The following DOCK1 variants were observed in gnomAD, a reference collection of about 807,000 sequenced individuals.
DOCK1 encodes dedicator of cytokinesis protein 1.
In DOCK1, 138 loss-of-function variants were observed where a neutral mutation model predicts 262.7. That is an observed-to-expected ratio of 0.53 (90% CI 0.46 to 0.61). The LOEUF is 0.61. DOCK1 is among the 20% of genes least tolerant of loss of function. The probability of loss-of-function intolerance (pLI) is 0.00; values close to 1 mark genes in which losing one functional copy is unlikely to be tolerated. For missense variants in DOCK1, 1,908 were observed against 2,370.7 expected (o/e 0.80, Z 4.05); for synonymous variants, 866 against 867.4 (o/e 1.00, Z 0.03).
At chr10:126,929,216 G>C (rs905490850) in intron 1 of DOCK1, among the ~76,000 whole-genome samples, 177 of 152,268 alleles carry the variant, frequency 1.2e-3, no homozygotes, top group African/African-American at 3.9e-3. Context: ...ACTGATCTGG[G>C]GATGAACCAT....
At chr10:126,949,760 C>T (rs1330226463) in intron 1 of DOCK1, among the ~76,000 whole-genome samples, 2 of 152,056 alleles carry the variant, frequency 1.3e-5, no homozygotes, top group Admixed American at 6.6e-5. Context: ...TTGTGACAGT[C>T]CTTGTATGAT....
At chr10:127,381,199 A>G in intron 36 of DOCK1, 79 bp from the exon 37 acceptor site, 1 of 1,251,898 alleles carries the variant, frequency 8.0e-7, no homozygotes, top group East Asian at 2.5e-5. Flanking sequence ...ACTGTTGAAC[A>G]TAGAATTTAG....
chr10:127,079,266 C>T (rs1005201211), intron 23 of DOCK1, among the ~76,000 whole-genome samples: 3 of 152,216 alleles, frequency 2.0e-5, no homozygotes, highest in Admixed American at 6.5e-5. Flanking sequence ...TTTGCCTCAG[C>T]AACTCTGACT....
chr10:127,228,862 T>TGGAA (rs1290869204), intron 27 of DOCK1, among the ~76,000 whole-genome samples: 1 of 152,222 alleles, frequency 6.6e-6, no homozygotes, highest in African/African-American at 2.4e-5. Context: ...GCTTACATTG[T>TGGAA]GGAACAGCTA....
chr10:127,413,917 A>ATTT (rs368961860), intron 43 of DOCK1, among the ~76,000 whole-genome samples: 1 of 149,036 alleles, frequency 6.7e-6, no homozygotes. Flanking sequence ...TTTTCTGAAA[A>ATTT]TTTTTTTTTT....
At chr10:127,125,708 C>T (rs774176895) in intron 26 of DOCK1, 107 bp downstream of exon 26, 5 of 1,442,214 alleles carry the variant, frequency 3.5e-6, no homozygotes, top group African/African-American at 1.4e-5. Flanking sequence ...ATTTTAAGGT[C>T]TAGCCTCTCT....
chr10:126,948,797 C>G (rs1207203099), intron 1 of DOCK1, among the ~76,000 whole-genome samples: 1 of 152,052 alleles, frequency 6.6e-6, no homozygotes, highest in Non-Finnish European at 1.5e-5. Flanking sequence ...ATCCTTTGGG[C>G]TGGATTTTCC....
At chr10:127,156,640 C>T (rs1288977269) in intron 27 of DOCK1, among the ~76,000 whole-genome samples, 1 of 138,322 alleles carries the variant, frequency 7.2e-6, no homozygotes, top group African/African-American at 2.7e-5. Flanking sequence ...ACAATCTGGG[C>T]TCACCACAAC....
At chr10:127,089,169 C>T (rs2047369535) in intron 23 of DOCK1, among the ~76,000 whole-genome samples, 1 of 152,188 alleles carries the variant, frequency 6.6e-6, no homozygotes, top group South Asian at 2.1e-4. Flanking sequence ...CCGCACTGCC[C>T]TTGATGGAGT....
intron 29 of DOCK1, among the ~76,000 whole-genome samples, chr10:127,312,910 C>T (rs550961488): frequency 6.6e-5 from 10 of 152,070 alleles, no homozygotes; most frequent in Non-Finnish European, 1.3e-4. Context: ...ACTGAGACCA[C>T]TTCTCTCTCC....
intron 5 of DOCK1, among the ~76,000 whole-genome samples, chr10:126,987,869 T>C (rs2134963381): frequency 6.6e-6 from 1 of 152,260 alleles, no homozygotes; most frequent in South Asian, 2.1e-4. Flanking sequence ...CTGTAGGATG[T>C]GTCTTTCCTT....
intron 23 of DOCK1, among the ~76,000 whole-genome samples, chr10:127,096,782 G>A (rs1387399240): frequency 6.6e-6 from 1 of 151,710 alleles, no homozygotes; most frequent in East Asian, 1.9e-4. Context: ...TGAGATCTGG[G>A]ACAATTACAT....
At chr10:126,973,216 A>G (rs1283617161) in intron 2 of DOCK1, among the ~76,000 whole-genome samples, 3 of 143,624 alleles carry the variant, frequency 2.1e-5, no homozygotes, top group African/African-American at 5.2e-5. Context: ...CATAAGAGGA[A>G]TGCGTGTGTG....
At chr10:127,261,623 GTGTGTGTGCATGTGTACCTGCA>G (rs201129612) in intron 29 of DOCK1, among the ~76,000 whole-genome samples, 3,645 of 84,016 alleles carry the variant, frequency 0.043, 75 homozygotes, top group Non-Finnish European at 0.049. Context: ...GTGCTCATCT[GTGTGTGTGCATGTGTACCTGCA>G]TGTGTGTGCA....
At chr10:127,334,704 A>G (rs183108843) in intron 29 of DOCK1, among the ~76,000 whole-genome samples, 1 of 152,324 alleles carries the variant, frequency 6.6e-6, no homozygotes, top group East Asian at 1.9e-4. Context: ...ATTACAAATA[A>G]TCCTTCCTTA....
intron 42 of DOCK1, 40 bp downstream of exon 42, chr10:127,409,431 A>T (rs916890432): frequency 7.5e-6 from 12 of 1,600,592 alleles, no homozygotes; most frequent in Admixed American, 5.0e-5. Context: ...GAGGGTTGTA[A>T]GAGGCTGTGT....
chr10:126,994,365 G>C (rs971497571), intron 6 of DOCK1, among the ~76,000 whole-genome samples: 17 of 152,066 alleles, frequency 1.1e-4, no homozygotes, highest in Admixed American at 2.0e-4. Context: ...GTGTTTCTCC[G>C]AGAGGGGGAT....
intron 10 of DOCK1, among the ~76,000 whole-genome samples, chr10:127,007,810 T>G (rs2041148660): frequency 6.6e-6 from 1 of 152,204 alleles, no homozygotes; most frequent in Non-Finnish European, 1.5e-5. Context: ...AGCATGCTTG[T>G]TCATGCCTGT....
At chr10:127,292,853 C>A (rs2061391391) in intron 29 of DOCK1, among the ~76,000 whole-genome samples, 1 of 152,114 alleles carries the variant, frequency 6.6e-6, no homozygotes, top group Non-Finnish European at 1.5e-5. Context: ...CCGCCGAGAG[C>A]TGATACTGGC....
Sources: allele counts gnomAD v4.1 joint callset (sites outside exome capture counted in the v4.1 genomes callset), GRCh38; gene constraint gnomAD v4.1.1; transcripts MANE v1.5; gene names NCBI Gene and HGNC (gene_info 2026-07-23, HGNC 2026-07-21).